The following SPOCK3 variants were observed in gnomAD, a reference collection of about 807,000 sequenced individuals.
The protein encoded by SPOCK3 is testican-3.
Under a neutral mutation model 56.6 loss-of-function variants are expected in SPOCK3, and 30 were observed. The ratio of observed to expected loss-of-function variants is 0.53; its 90% CI spans 0.40 to 0.72. The LOEUF (loss-of-function observed/expected upper bound fraction) is 0.72, where lower values mean the gene tolerates loss of function less well. Among genes scored for constraint, SPOCK3 ranks in the 30% least tolerant of loss-of-function variants. The pLI, the probability that SPOCK3 is intolerant of heterozygous loss-of-function variation, is 0.00. For missense variants in SPOCK3, 527 were observed against 530.0 expected (o/e 0.99, Z 0.06); for synonymous variants, 196 against 183.3 (o/e 1.07, Z -0.56).
chr4:167,204,758 T>G (rs1046200260), intron 2 of SPOCK3, among the ~76,000 whole-genome samples: 1 of 151,930 alleles, frequency 6.6e-6, no homozygotes, highest in Non-Finnish European at 1.5e-5. Flanking sequence ...TTAAAGTCAC[T>G]GTTTTTTTTC....
At chr4:167,217,182 T>C (rs1387967243) in intron 2 of SPOCK3, among the ~76,000 whole-genome samples, 1 of 152,116 alleles carries the variant, frequency 6.6e-6, no homozygotes, top group Non-Finnish European at 1.5e-5. Context: ...ATAATTTGAA[T>C]ATCCTTAACA....
intron 4 of SPOCK3, among the ~76,000 whole-genome samples, chr4:166,915,543 G>A (rs1737753708): frequency 4.6e-5 from 7 of 152,088 alleles, no homozygotes; most frequent in Non-Finnish European, 1.0e-4. Context: ...GAAATCATCT[G>A]TTGTTGGTCG....
At chr4:167,041,380 T>C (rs1040787550) in intron 3 of SPOCK3, among the ~76,000 whole-genome samples, 1 of 152,164 alleles carries the variant, frequency 6.6e-6, no homozygotes, top group Non-Finnish European at 1.5e-5. Flanking sequence ...AAACCATTAT[T>C]AAACTATTAA....
chr4:167,171,650 G>A (rs961139559), intron 2 of SPOCK3, among the ~76,000 whole-genome samples: 19 of 152,058 alleles, frequency 1.2e-4, no homozygotes, highest in African/African-American at 4.6e-4. Flanking sequence ...CGAGGCAGGT[G>A]AGACAATCCA....
intron 2 of SPOCK3, among the ~76,000 whole-genome samples, chr4:167,208,775 A>T (rs930603061): frequency 6.6e-6 from 1 of 152,086 alleles, no homozygotes; most frequent in Non-Finnish European, 1.5e-5. Context: ...TTATCTGTGA[A>T]AAGGAATAGT....
intron 3 of SPOCK3, among the ~76,000 whole-genome samples, chr4:167,060,377 A>G (rs1241347530): frequency 6.6e-6 from 1 of 151,962 alleles, no homozygotes; most frequent in Non-Finnish European, 1.5e-5. Flanking sequence ...GAAACATACT[A>G]GAAATGAACA....
At chr4:167,214,608 T>G (rs1735187495) in intron 2 of SPOCK3, among the ~76,000 whole-genome samples, 1 of 152,150 alleles carries the variant, frequency 6.6e-6, no homozygotes, top group Non-Finnish European at 1.5e-5. Context: ...AAAGTTATCT[T>G]AAAATAGATG....
chr4:167,092,539 A>G (rs375801834), intron 2 of SPOCK3, among the ~76,000 whole-genome samples: 1 of 152,198 alleles, frequency 6.6e-6, no homozygotes, highest in Non-Finnish European at 1.5e-5. Flanking sequence ...CCTTTTATTT[A>G]GGTAACTCTA....
chr4:166,945,175 G>T (rs1240803364), intron 4 of SPOCK3, among the ~76,000 whole-genome samples: 1 of 151,984 alleles, frequency 6.6e-6, no homozygotes, highest in African/African-American at 2.4e-5. Context: ...TTTGGTGGAG[G>T]ATGATATTTA....
At chr4:166,850,888 G>C (rs2126871059) in intron 6 of SPOCK3, among the ~76,000 whole-genome samples, 1 of 152,346 alleles carries the variant, frequency 6.6e-6, no homozygotes, top group South Asian at 2.1e-4. Flanking sequence ...GCGAGGCTGG[G>C]GGAGGGGTGC....
intron 3 of SPOCK3, among the ~76,000 whole-genome samples, chr4:167,017,299 GAACAT>G (rs1312548038): frequency 1.3e-5 from 2 of 152,066 alleles, no homozygotes; most frequent in African/African-American, 4.8e-5. Flanking sequence ...TCTCAGACAT[GAACAT>G]ATCTTAATAA....
chr4:167,086,479 A>T (rs1304202754), intron 2 of SPOCK3, among the ~76,000 whole-genome samples: 1 of 152,050 alleles, frequency 6.6e-6, no homozygotes, highest in Non-Finnish European at 1.5e-5. Context: ...CTGGCTTTGG[A>T]ATCAGATGAG....
At chr4:167,036,325 A>G (rs921176519) in intron 3 of SPOCK3, among the ~76,000 whole-genome samples, 1 of 152,130 alleles carries the variant, frequency 6.6e-6, no homozygotes, top group Non-Finnish European at 1.5e-5. Flanking sequence ...AAACACCCAA[A>G]GTTTGAAAGT....
At chr4:167,129,429 G>A (rs1317721839) in intron 2 of SPOCK3, among the ~76,000 whole-genome samples, 1 of 152,146 alleles carries the variant, frequency 6.6e-6, no homozygotes, top group Non-Finnish European at 1.5e-5. Flanking sequence ...ATTTACTGAG[G>A]CAGGCACAGG....
chr4:166,806,892 T>C (rs1351221905), intron 6 of SPOCK3, among the ~76,000 whole-genome samples: 1 of 152,014 alleles, frequency 6.6e-6, no homozygotes, highest in African/African-American at 2.4e-5. Flanking sequence ...TGTGTTTTTG[T>C]ATACATACCT....
intron 4 of SPOCK3, among the ~76,000 whole-genome samples, chr4:166,915,807 C>T (rs1417397163): frequency 6.6e-6 from 1 of 152,070 alleles, no homozygotes; most frequent in South Asian, 2.1e-4. Flanking sequence ...AAAAGATTAA[C>T]CTTCGAGCAT....
At chr4:167,025,091 G>A (rs750668425) in intron 3 of SPOCK3, among the ~76,000 whole-genome samples, 1 of 152,050 alleles carries the variant, frequency 6.6e-6, no homozygotes, top group South Asian at 2.1e-4. Context: ...AATAGATGCA[G>A]TGTGAGTAGA....
At chr4:166,879,488 T>C (rs1013060782) in intron 6 of SPOCK3, among the ~76,000 whole-genome samples, 10 of 152,122 alleles carry the variant, frequency 6.6e-5, no homozygotes, top group East Asian at 5.8e-4. Context: ...CTGGGAAACA[T>C]AGCAAGACTT....
At chr4:166,964,340 T>G (rs1370785555) in intron 4 of SPOCK3, among the ~76,000 whole-genome samples, 3 of 151,812 alleles carry the variant, frequency 2.0e-5, no homozygotes, top group Non-Finnish European at 4.4e-5. Context: ...TTAACCTATG[T>G]TGCTATGGGA....
Sources: gnomAD v4.1 joint callset for allele counts (sites outside exome capture counted in the v4.1 genomes callset) on GRCh38, gnomAD v4.1.1 for gene constraint, MANE v1.5 for transcripts, NCBI Gene and HGNC (gene_info 2026-07-23, HGNC 2026-07-21) for gene names.